Variants in KIF27 observed in about 807,000 individuals in gnomAD.
The protein encoded by KIF27 is kinesin-like protein KIF27.
In KIF27, 84 loss-of-function variants were observed where a neutral mutation model predicts 141.8. The ratio of observed to expected loss-of-function variants is 0.59; its 90% confidence interval spans 0.50 to 0.71. KIF27 has a LOEUF of 0.71. Among genes scored for constraint, KIF27 ranks in the 30% least tolerant of loss-of-function variants. The probability of loss-of-function intolerance (pLI) is 0.00; values close to 1 mark genes in which losing one functional copy is unlikely to be tolerated. For missense variants in KIF27, 1,306 were observed against 1,628.4 expected (o/e 0.80, Z 3.41); for synonymous variants, 471 against 569.5 (o/e 0.83, Z 2.46).
At chr9:83,871,444 A>G (rs1414849801) in intron 11 of KIF27, among the ~76,000 whole-genome samples, 1 of 152,172 alleles carries the variant, frequency 6.6e-6, no homozygotes, top group Middle Eastern at 3.2e-3. Context: ...TGTAACAAGG[A>G]TAAGAGTCTG....
Position 83,903,778 on chromosome 9 carries a change from C to T in KIF27, c.740G>A (p.Gly247Glu). ...CCCCGTTTTGGTTACTCTTTCTGAT[C>T]CTGCCAAATCCACAAAGTGGAACTT... ...VSKFHFVDLA[G>E]SERVTKTGNT... Residue 247 changes from glycine to glutamate, a missense_variant, in exon 4 of 18, where the codon GGA becomes GAA. Gly to Glu is a moderately conservative substitution (Grantham distance 98). Coordinates refer to ENST00000297814, the MANE Select transcript of KIF27 (RefSeq NM_017576.4). 1 of 1,614,184 alleles carries T rather than the reference C, an allele frequency of 6.2e-7. No homozygotes were observed. The highest frequency in any genetic ancestry group is 8.5e-7 in the Non-Finnish European group (1 of 1,180,024).
rs1564283416 is a variant in KIF27, at chr9:83,848,091, ATGATATATATGATATCTCATATC to A, written c.3556+1985_3556+2007del. On this transcript the variant is annotated intron_variant, in intron 16 of 17. Coordinates refer to ENST00000297814, the MANE Select transcript of KIF27 (RefSeq NM_017576.4). The stretch of plus-strand genomic sequence containing the variant: ...ATATGATATATGATATATCATATAT[ATGATATATATGATATCTCATATC>A]TGATATATCTGATATCTCATATATG... Among the ~76,000 whole-genome samples, 69 of 44,858 alleles carry A rather than the reference ATGATATATATGATATCTCATATC, an allele frequency of 1.5e-3. 15 individuals carry two copies. The highest frequency in any genetic ancestry group is 3.2e-3 in the Admixed American group (19 of 5,942). 29.4% of individuals were successfully genotyped at this position (44,858 alleles called of 152,430 possible).
chr9:83,903,421 A>T lies in KIF27; in HGVS notation c.1097T>A (p.Leu366His). Residue 366 changes from leucine to histidine, a missense_variant, in exon 4 of 18, where the codon CTT becomes CAT. Coordinates refer to ENST00000297814, the MANE Select transcript of KIF27 (RefSeq NM_017576.4). ...IDEMEFEIKL[L>H]REALQSQQAG... ...CTGCTGGCTTTGCAAAGCTTCTCGA[A>T]GCAATTTAATCTCAAATTCCATTTC... The T allele has an allele frequency of 6.2e-7, 1 of 1,614,042 alleles. No individual in the cohort carries two copies. Among genetic ancestry groups the T allele is most frequent in the Non-Finnish European group, 8.5e-7 (1 of 1,180,024 alleles).
intron 6 of KIF27, among the ~76,000 whole-genome samples, chr9:83,890,904 C>G (rs2780184): frequency 6.6e-6 from 1 of 152,046 alleles, no homozygotes; most frequent in Non-Finnish European, 1.5e-5. Context: ...TAAGACTGAA[C>G]AGCATATAAA....
At chr9:83,886,947 C>G in intron 9 of KIF27, 94 bp downstream of exon 9, 3 of 1,373,434 alleles carry the variant, frequency 2.2e-6, no homozygotes, top group Non-Finnish European at 2.9e-6. Context: ...GTGGATAGAC[C>G]TGAGCTTCAA....
chr9:83,905,993 G>A (rs902911992), intron 3 of KIF27, among the ~76,000 whole-genome samples: 3 of 152,176 alleles, frequency 2.0e-5, no homozygotes, highest in Non-Finnish European at 2.9e-5. Context: ...ATTGATATCA[G>A]ATATGAAGTA....
chr9:83,865,401 G>A (rs2131969152), intron 13 of KIF27, among the ~76,000 whole-genome samples: 1 of 152,120 alleles, frequency 6.6e-6, no homozygotes, highest in East Asian at 1.9e-4. Context: ...AGGTTCAAGT[G>A]ATTGTCCTGC....
Position 83,887,186 on chromosome 9 carries a change from A to T in KIF27, c.2094T>A (p.Ile698=). ...KSDLENEDLK[I]DCLQESQELN... Reference sequence around the variant, plus strand: ...ATTCTTGACTCTCCTGGAGACAATCAATCTTTAAATCTTTAAAAAAAAATG... The same window carrying T: ...ATTCTTGACTCTCCTGGAGACAATCTATCTTTAAATCTTTAAAAAAAAATG... Residue 698 remains isoleucine, a synonymous_variant, in exon 9 of 18, where the codon ATT becomes ATA. Coordinates refer to ENST00000297814, the MANE Select transcript of KIF27 (RefSeq NM_017576.4). The T allele has an allele frequency of 2.7e-6, 4 of 1,480,550 alleles. No homozygotes were observed. Among genetic ancestry groups the T allele is most frequent in the Admixed American group, 2.5e-5 (1 of 40,224 alleles). 91.7% of individuals were successfully genotyped at this position (1,480,550 alleles called of 1,614,324 possible).
At chr9:83,888,130 T>C (rs2780175) in intron 8 of KIF27, among the ~76,000 whole-genome samples, 2 of 123,494 alleles carry the variant, frequency 1.6e-5, no homozygotes, top group Non-Finnish European at 1.7e-5. Flanking sequence ...ACATCATTGA[T>C]GTTAGGCACA....
intron 3 of KIF27, 129 bp downstream of exon 3, chr9:83,908,323 T>TA: frequency 1.9e-6 from 1 of 521,706 alleles, no homozygotes; most frequent in Non-Finnish European, 3.3e-6. Flanking sequence ...AATTTAAAAG[T>TA]AAAAATAAAT....
chr9:83,845,756 T>C lies in KIF27; in HGVS notation c.3557-3355A>G, dbSNP rs186681997. Among the ~76,000 whole-genome samples, 565 of 152,314 alleles carry C rather than the reference T, an allele frequency of 3.7e-3. 5 individuals carry two copies. Among genetic ancestry groups the C allele is most frequent in the African/African-American group, 0.013 (538 of 41,564 alleles). The stretch of plus-strand genomic sequence containing the variant: ...AGATATGCGGTTATATACCAATTCA[T>C]GGGCTGTAGCCAGTGGTTTGGCTGG... On this transcript the variant is annotated intron_variant, in intron 16 of 17. Transcript: ENST00000297814.
chr9:83,882,294 G>A (rs1296036803), intron 10 of KIF27, among the ~76,000 whole-genome samples: 1 of 151,994 alleles, frequency 6.6e-6, no homozygotes, highest in Admixed American at 6.6e-5. Context: ...CCTGGGAGGA[G>A]GCAACTGCAG....
intron 10 of KIF27, among the ~76,000 whole-genome samples, chr9:83,883,028 T>C (rs974783106): frequency 1.3e-5 from 2 of 152,136 alleles, no homozygotes; most frequent in Non-Finnish European, 1.5e-5. Flanking sequence ...CAGAGGTATA[T>C]TGTAAACATC....
chr9:83,899,286 G>T (rs963076188), intron 5 of KIF27, among the ~76,000 whole-genome samples: 4 of 150,970 alleles, frequency 2.6e-5, no homozygotes, highest in African/African-American at 9.9e-5. Flanking sequence ...CTCACGAGGT[G>T]TAAGAGGATA....
chr9:83,875,603 TA>T (rs1300626857), intron 11 of KIF27, among the ~76,000 whole-genome samples: 1 of 152,002 alleles, frequency 6.6e-6, no homozygotes, highest in Non-Finnish European at 1.5e-5. Context: ...CTCCCATATT[TA>T]AAAGGACCGG....
At chr9:83,896,220 G>A (rs992755669) in intron 5 of KIF27, among the ~76,000 whole-genome samples, 2 of 152,076 alleles carry the variant, frequency 1.3e-5, no homozygotes, top group Non-Finnish European at 2.9e-5. Flanking sequence ...TCTTATCTTG[G>A]GTGACACAGT....
intron 1 of KIF27, among the ~76,000 whole-genome samples, chr9:83,920,972 G>A (rs1195270219): frequency 6.6e-6 from 1 of 152,132 alleles, no homozygotes; most frequent in Non-Finnish European, 1.5e-5. Context: ...GGTGGTGGTG[G>A]CCCTCGCGTC....
chr9:83,891,320 A>C lies in KIF27; in HGVS notation c.1784T>G (p.Ile595Ser). ...CTTCCTGGAATCTTGTCTTGATGGG[A>C]TATAAATATAATGCCCCAAATGAGT... Reference protein sequence around the residue: ...FDTHLGHYIYIPSRQDSRKVH... With the variant: ...FDTHLGHYIYSPSRQDSRKVH... Residue 595 changes from isoleucine (I) to serine (S), a missense_variant, in exon 6 of 18, where the codon ATC (isoleucine) becomes AGC (serine). By Grantham distance (142) the Ile-to-Ser change is moderately radical (BLOSUM62 -2). Coordinates refer to ENST00000297814, the MANE Select transcript of KIF27 (RefSeq NM_017576.4). The C allele has an allele frequency of 6.2e-7, 1 of 1,613,094 alleles. No homozygotes were observed. Among genetic ancestry groups the C allele is most frequent in the Non-Finnish European group, 8.5e-7 (1 of 1,179,354 alleles).
intron 5 of KIF27, among the ~76,000 whole-genome samples, chr9:83,894,061 C>T (rs1952935790): frequency 6.6e-6 from 1 of 152,042 alleles, no homozygotes; most frequent in South Asian, 2.1e-4. Context: ...AAAAATAAAC[C>T]TTATCAAAAC....
Sources: allele counts gnomAD v4.1 joint callset (sites outside exome capture counted in the v4.1 genomes callset), GRCh38; gene constraint gnomAD v4.1.1; transcripts MANE v1.5; gene names NCBI Gene and HGNC (gene_info 2026-07-23, HGNC 2026-07-21).